The following DEPDC5 variants were observed in gnomAD, a reference collection of about 807,000 sequenced individuals.
DEPDC5 encodes the protein GATOR1 complex protein DEPDC5.
DEPDC5 carries 73 observed loss-of-function variants against 217.3 expected under a neutral mutation model. That is an observed-to-expected ratio of 0.34 (90% confidence interval 0.28 to 0.41). DEPDC5 has a LOEUF of 0.41. DEPDC5 is among the 10% of genes least tolerant of loss of function. DEPDC5 has a pLI of 1.00. For synonymous variants in DEPDC5, 733 were observed against 756.7 expected, an observed-to-expected ratio of 0.97 and a Z score of 0.51; for missense variants, 1,675 against 2,070.1, an observed-to-expected ratio of 0.81 and a Z score of 3.70.
intron 41 of DEPDC5, among the ~76,000 whole-genome samples, chr22:31,903,309 A>G (rs1159778715): frequency 2.0e-5 from 1 of 49,800 alleles, no homozygotes; most frequent in East Asian, 7.9e-4. Context: ...TTCCACACGT[A>G]AACCCCCTCC....
At chr22:31,784,351 G>A (rs1039313184) in intron 9 of DEPDC5, 17 of 200,118 alleles carry the variant, frequency 8.5e-5, no homozygotes, top group South Asian at 4.5e-4. Flanking sequence ...AAAACAGGCC[G>A]GGCACAGCGG....
intron 12 of DEPDC5, among the ~76,000 whole-genome samples, chr22:31,794,521 CG>C (rs1326349415): frequency 2.0e-5 from 3 of 152,100 alleles, no homozygotes; most frequent in African/African-American, 7.2e-5. Flanking sequence ...TCATCCTCAA[CG>C]TTTTTTAGAT....
At position 31,804,867 on chromosome 22, in the gene DEPDC5, A is replaced by T. The variant is rs2087323835; in HGVS notation, c.1169A>T (p.Asp390Val). 6.2e-7 allele frequency: 1 copy of T among 1,614,012 alleles called. No individual in the cohort carries two copies. ...CTCCATAATCGGAGTGCTCCCCGTG[A>T]TTCTCGTCTGGGCGATGACTATAAT... Reference protein sequence around the residue: ...FKLHNRSAPRDSRLGDDYNIP... With the variant: ...FKLHNRSAPRVSRLGDDYNIP... Residue 390 changes from aspartate (D) to valine (V), a missense_variant, in exon 17 of 43, where the codon GAT becomes GTT. Transcript: ENST00000651528.
At chr22:31,902,019 T>A (rs2093656949) in intron 41 of DEPDC5, among the ~76,000 whole-genome samples, 1 of 152,164 alleles carries the variant, frequency 6.6e-6, no homozygotes, top group Non-Finnish European at 1.5e-5. Context: ...CAGACCTCAT[T>A]ATTTTCTTCT....
chr22:31,886,260 G>A (rs1450412272), intron 38 of DEPDC5, among the ~76,000 whole-genome samples: 1 of 152,094 alleles, frequency 6.6e-6, no homozygotes, highest in Non-Finnish European at 1.5e-5. Flanking sequence ...CTCGGCTCAA[G>A]CAATCCTCCC....
At chr22:31,876,859 A>G (rs1046057137) in intron 37 of DEPDC5, among the ~76,000 whole-genome samples, 1 of 152,212 alleles carries the variant, frequency 6.6e-6, no homozygotes, top group Non-Finnish European at 1.5e-5. Flanking sequence ...CCCCAGATTC[A>G]GACCAGCATC....
In DEPDC5 at chr22:31,834,220, A is replaced by G. The variant is rs1051093986; in HGVS notation, c.2170+240A>G. The G allele has an allele frequency of 7.5e-6, 4 of 536,396 alleles. No homozygotes were observed. The East Asian group carries it at 1.3e-4, about 17-fold the overall frequency. The allele number at this position is 536,396 out of a possible 1,614,324, so 33.2% of individuals were successfully genotyped here. ...TTCAGGGGCACCTGGGAAAGGTAGC[A>G]GATTCCCTATAAGGCCCCCATGCTG... On this transcript the variant is annotated intron_variant, in intron 25 of 42. Coordinates refer to ENST00000651528, the MANE Select transcript of DEPDC5 (RefSeq NM_001242896.3).
Position 31,906,109 on chromosome 22 carries a change from C to A in DEPDC5, c.4519+43C>A. 1 of 1,613,718 alleles carries A rather than the reference C, an allele frequency of 6.2e-7. No individual in the cohort carries two copies. Among genetic ancestry groups the A allele is most frequent in the Non-Finnish European group, 8.5e-7 (1 of 1,179,786 alleles). On this transcript the variant is annotated intron_variant, in intron 42 of 42. Coordinates refer to ENST00000651528, the MANE Select transcript of DEPDC5 (RefSeq NM_001242896.3). The surrounding 1 kb of genome is among the most constrained non-coding windows in gnomAD (Gnocchi z 5.1). ...GAGTTGGGCAGGTGGGTCCACATCC[C>A]TTTCCTTGCACCAAGCCTATGGCTG...
intron 29 of DEPDC5, chr22:31,844,702 CTTTTTTTT>C (rs136860): frequency 8.4e-5 from 11 of 131,686 alleles, no homozygotes; most frequent in Admixed American, 3.3e-4. Context: ...CTTCAGAGCT[CTTTTTTTT>C]TTTTTTTTTT....
rs745893053 is a variant in DEPDC5 at position 31,815,021 on chromosome 22, G to A, written c.1475G>A (p.Arg492Gln). The change falls in exon 21 of 43, where the codon CGA becomes CAA. Residue 492 changes from arginine to glutamine, a missense_variant. By Grantham distance (43) the Arg-to-Gln change is conservative. This residue lies in a region of DEPDC5 where 628 missense variants were observed against 762.1 expected (regional missense o/e 0.82). Transcript: ENST00000651528. ...GTGCGAGAGCGAGAGAGTCACAGTC[G>A]AAAGAGTGCCAGCTCCTGTGATGTT... ...RSVRERESHSRKSASSCDVSS... is the reference protein window; with the variant it reads ...RSVRERESHSQKSASSCDVSS... 13 of 1,613,986 alleles carry A rather than the reference G, an allele frequency of 8.1e-6. No homozygotes were observed. The highest frequency in any genetic ancestry group is 1.6e-4 in the Middle Eastern group (1 of 6,084).
At chr22:31,876,386 C>A (rs908562242) in intron 37 of DEPDC5, 121 bp downstream of exon 37, 1 of 714,118 alleles carries the variant, frequency 1.4e-6, no homozygotes, top group African/African-American at 1.8e-5. Flanking sequence ...GTTGACAGAT[C>A]TGTCAACTTC....
chr22:31,872,825 G>C (rs1336774904), intron 34 of DEPDC5, among the ~76,000 whole-genome samples: 1 of 152,048 alleles, frequency 6.6e-6, no homozygotes, highest in African/African-American at 2.4e-5. Context: ...CACGACCTCA[G>C]CTCACTGCAC....
intron 21 of DEPDC5, chr22:31,815,455 C>T (rs966870209): frequency 3.8e-5 from 26 of 679,984 alleles, no homozygotes; most frequent in Non-Finnish European, 5.8e-5. Context: ...TCACAGCTCA[C>T]CTCAGTGCGG....
At chr22:31,781,715 C>T (rs1017368201) in intron 8 of DEPDC5, among the ~76,000 whole-genome samples, 3 of 152,112 alleles carry the variant, frequency 2.0e-5, no homozygotes, top group Admixed American at 2.0e-4. Context: ...CAGGCATGAG[C>T]CACCACACCT....
chr22:31,781,904 A>T (rs1169689383), intron 8 of DEPDC5, among the ~76,000 whole-genome samples: 1 of 151,798 alleles, frequency 6.6e-6, no homozygotes, highest in Non-Finnish European at 1.5e-5. Flanking sequence ...AGTGGCCCAC[A>T]CCTATAATCT....
intron 7 of DEPDC5, among the ~76,000 whole-genome samples, chr22:31,775,501 C>T (rs1214724646): frequency 3.9e-5 from 6 of 151,988 alleles, no homozygotes; most frequent in African/African-American, 1.4e-4. Context: ...TTTATGAGGA[C>T]TGATTGCTTA....
intron 38 of DEPDC5, among the ~76,000 whole-genome samples, chr22:31,886,775 AAG>A (rs1235219932): frequency 7.2e-4 from 96 of 133,474 alleles, no homozygotes; most frequent in Middle Eastern, 3.8e-3. Context: ...AAAAAAAAAA[AAG>A]AGAGAGAGAG....
chr22:31,761,768 G>C (rs749136702), intron 4 of DEPDC5, among the ~76,000 whole-genome samples: 1 of 151,548 alleles, frequency 6.6e-6, no homozygotes, highest in African/African-American at 2.4e-5. Context: ...AGGAGTTTGC[G>C]ACCAGCCTGG....
chr22:31,803,636 G>A (rs1437059108), intron 15 of DEPDC5, among the ~76,000 whole-genome samples: 1 of 151,994 alleles, frequency 6.6e-6, no homozygotes, highest in African/African-American at 2.4e-5. Flanking sequence ...ACAAGATGGA[G>A]TTGGGACGCT....
Sources: gnomAD v4.1 joint callset for allele counts (sites outside exome capture counted in the v4.1 genomes callset) on GRCh38, gnomAD v4.1.1 for gene constraint, gnomAD v4.1.1 regional missense constraint, Gnocchi (gnomAD v3.1) non-coding constraint, MANE v1.5 for transcripts, NCBI Gene and HGNC (gene_info 2026-07-23, HGNC 2026-07-21) for gene names.